The following DDX21 variants were observed in gnomAD, a reference collection of about 807,000 sequenced individuals.
DDX21 encodes the protein DExD-box helicase 21, also known as nucleolar RNA helicase 2.
DDX21 carries 18 observed loss-of-function variants against 90.0 expected under a neutral mutation model. The observed-to-expected ratio is 0.20, with a 90% CI of 0.14 to 0.30. The LOEUF (loss-of-function observed/expected upper bound fraction) is 0.30. Ranked by LOEUF, DDX21 falls within the 10% of genes least tolerant of loss-of-function variation. The pLI, the probability that DDX21 is intolerant of heterozygous loss-of-function variation, is 1.00. For missense variants in DDX21, 673 were observed against 944.5 expected (o/e 0.71, Z 3.77); for synonymous variants, 294 against 318.0 (o/e 0.92, Z 0.80).
At chr10:68,959,645 A>G (rs1842846914) in intron 1 of DDX21, among the ~76,000 whole-genome samples, 161 bp from the exon 2 acceptor site, 2 of 152,170 alleles carry the variant, frequency 1.3e-5, no homozygotes, top group Admixed American at 6.5e-5. Flanking sequence ...TACTATTTTG[A>G]TTTTTACCTT....
chr10:68,962,300 C>G (rs568512785), intron 3 of DDX21, 143 bp downstream of exon 3: 1 of 605,860 alleles, frequency 1.7e-6, no homozygotes, highest in Admixed American at 3.2e-5. Flanking sequence ...CCTGTGTATT[C>G]AATTTAGTAC....
intron 9 of DDX21, among the ~76,000 whole-genome samples, chr10:68,972,254 CAG>C (rs768602089): frequency 4.4e-4 from 67 of 152,190 alleles, no homozygotes; most frequent in East Asian, 9.6e-4. Flanking sequence ...AGTCAGCAGA[CAG>C]AGGTTCAAAA....
chr10:68,967,314 C>A, intron 6 of DDX21, 111 bp downstream of exon 6: 1 of 1,050,738 alleles, frequency 9.5e-7, no homozygotes, highest in Non-Finnish European at 1.4e-6. Context: ...ACTGGGATTA[C>A]AGGCACCCAC....
rs759360880 is a variant in DDX21 at position 68,978,990 on chromosome 10, C to T, written c.2037+14C>T. 18 of 1,613,846 alleles carry T rather than the reference C, an allele frequency of 1.1e-5. No individual in the cohort carries two copies. The highest frequency in any genetic ancestry group is 1.4e-5 in the Non-Finnish European group (17 of 1,179,868). ...AAAGGAAAGCTGGTAAGGCTGGGGT[C>T]TCTGTTGTAACCTTGATGGGGCTTT... On this transcript the variant is annotated intron_variant, in intron 13 of 14. Coordinates refer to ENST00000354185, the MANE Select transcript of DDX21 (RefSeq NM_004728.4).
At chr10:68,970,134 A>G (rs1336356025) in intron 7 of DDX21, 67 bp from the exon 8 acceptor site, 15 of 1,443,808 alleles carry the variant, frequency 1.0e-5, no homozygotes, top group Non-Finnish European at 4.8e-6. Flanking sequence ...CTCACTGATC[A>G]TTGTGTTGTG....
At chr10:68,956,339 AG>A (rs1589280502) in intron 1 of DDX21, 27 bp downstream of exon 1, 18 of 1,613,566 alleles carry the variant, frequency 1.1e-5, no homozygotes, top group Non-Finnish European at 1.4e-5. Context: ...TGGGGCCAGG[AG>A]GGACGCTGAA....
At chr10:68,968,952 CTT>C in intron 6 of DDX21, 22 bp from the exon 7 acceptor site, 1 of 1,600,560 alleles carries the variant, frequency 6.2e-7, no homozygotes, top group Non-Finnish European at 8.5e-7. Flanking sequence ...TTCATACTGA[CTT>C]TTTTTTTCCC....
intron 11 of DDX21, among the ~76,000 whole-genome samples, chr10:68,976,704 C>G (rs1269780683): frequency 6.6e-6 from 1 of 152,060 alleles, no homozygotes; most frequent in East Asian, 1.9e-4. Flanking sequence ...GGTTAGATGG[C>G]CAAGAAGGGG....
At chr10:68,977,488 A>G (rs1232321888) in intron 11 of DDX21, 41 bp from the exon 12 acceptor site, 3 of 1,523,072 alleles carry the variant, frequency 2.0e-6, no homozygotes, top group Non-Finnish European at 2.7e-6. Flanking sequence ...AAATGTGTCC[A>G]CTTCTAGTAT....
chr10:68,959,858 A>C lies in DDX21; in HGVS notation c.140A>C (p.Glu47Ala). ...KSDKTEEIAE[E>A]EETVFPKAKQ... ...GATAAGACTGAAGAGATAGCAGAAG[A>C]GGAAGAAACTGTTTTCCCCAAAGCT... is the stretch of plus-strand genomic sequence containing the variant. Residue 47 changes from glutamate to alanine, a missense_variant, in exon 2 of 15, where the codon GAG (glutamate) becomes GCG (alanine). Glu to Ala is a moderately radical substitution (Grantham distance 107, BLOSUM62 -1). This residue lies in a region of DDX21 where 204 missense variants were observed against 221.6 expected (regional missense o/e 0.92). Coordinates refer to ENST00000354185, the MANE Select transcript of DDX21 (RefSeq NM_004728.4). The C allele has an allele frequency of 6.3e-7, 1 of 1,581,048 alleles. No individual in the cohort carries two copies. The highest frequency in any genetic ancestry group is 8.5e-7 in the Non-Finnish European group (1 of 1,172,644).
Position 68,959,982 on chromosome 10 carries a change from T to C in DDX21, c.264T>C (p.Ile88=). ...KKKEEPSQND[I]SPKTKSLRKK... ...AAGAGGAGCCATCTCAAAATGACATTTCTCCTAAAACCAAAAGTTTGAGAA... is the reference window on the plus strand; with the variant it reads ...AAGAGGAGCCATCTCAAAATGACATCTCTCCTAAAACCAAAAGTTTGAGAA... The change falls in exon 2 of 15, where the codon ATT becomes ATC. Residue 88 remains isoleucine (I), a synonymous_variant. Transcript: ENST00000354185. 1 of 1,609,912 alleles carries C rather than the reference T, an allele frequency of 6.2e-7. No homozygotes were observed. The highest frequency in any genetic ancestry group is 8.5e-7 in the Non-Finnish European group (1 of 1,179,360).
chr10:68,972,867 T>A (rs1005307345), intron 9 of DDX21, among the ~76,000 whole-genome samples: 4 of 152,146 alleles, frequency 2.6e-5, no homozygotes, highest in African/African-American at 7.2e-5. Flanking sequence ...CTGGTTTGTA[T>A]AGATAGTATA....
At chr10:68,970,167 T>C in intron 7 of DDX21, 34 bp from the exon 8 acceptor site, 1 of 1,585,624 alleles carries the variant, frequency 6.3e-7, no homozygotes, top group African/African-American at 1.4e-5. Context: ...AGCAAAGCTT[T>C]ACTAAATAGA....
chr10:68,974,857 A>T (rs924635203), intron 11 of DDX21, 114 bp downstream of exon 11: 7 of 749,104 alleles, frequency 9.3e-6, no homozygotes, highest in Non-Finnish European at 1.3e-5. Context: ...TTTTTGAGAC[A>T]GGGTCTCACT....
intron 5 of DDX21, 52 bp downstream of exon 5, chr10:68,965,546 C>T (rs1481166979): frequency 2.3e-6 from 3 of 1,312,782 alleles, no homozygotes; most frequent in Non-Finnish European, 3.3e-6. Flanking sequence ...TTGTTGACTG[C>T]TCTGATTGGA....
At chr10:68,971,329 A>C (rs964864210) in intron 8 of DDX21, among the ~76,000 whole-genome samples, 1 of 152,066 alleles carries the variant, frequency 6.6e-6, no homozygotes, top group African/African-American at 2.4e-5. Context: ...AGATCATCCC[A>C]TAACCTAGGT....
chr10:68,956,882 A>G, intron 1 of DDX21: 1 of 514,922 alleles, frequency 1.9e-6, no homozygotes, highest in South Asian at 8.2e-5. Context: ...CTCGACTAAA[A>G]AATACAAAAA....
chr10:68,970,955 A>ATTTTTTTTT lies in DDX21; in HGVS notation c.1386+625_1386+633dup, dbSNP rs56314802. On this transcript the variant is annotated intron_variant, in intron 8 of 14. Coordinates refer to ENST00000354185, the MANE Select transcript of DDX21 (RefSeq NM_004728.4). ...GGCATGAGCCACTGCGCCCAGCCTAATTTTTTTTTTTTTTTTTTTTTTTTT... is the reference window on the plus strand; with the variant it reads ...GGCATGAGCCACTGCGCCCAGCCTAATTTTTTTTTTTTTTTTTTTTTTTTTTTTTTTTTT... 4.0e-4 allele frequency among the ~76,000 whole-genome samples: 29 copies of ATTTTTTTTT among 72,522 alleles called. 1 individual carries two copies. Among genetic ancestry groups the ATTTTTTTTT allele is most frequent in the Non-Finnish European group, 6.9e-4 (27 of 39,378 alleles). 47.6% of individuals were successfully genotyped at this position (72,522 alleles called of 152,430 possible). A position where few individuals can be genotyped will look rare whatever the true frequency, so the allele number is the denominator to read the frequency against.
intron 4 of DDX21, 51 bp downstream of exon 4, chr10:68,963,520 C>A: frequency 6.5e-7 from 1 of 1,538,094 alleles, no homozygotes; most frequent in Non-Finnish European, 8.8e-7. Flanking sequence ...AAAACCACCA[C>A]TTGGGCATTG....
Sources: gnomAD v4.1 joint callset for allele counts (sites outside exome capture counted in the v4.1 genomes callset) on GRCh38, gnomAD v4.1.1 for gene constraint, gnomAD v4.1.1 regional missense constraint, MANE v1.5 for transcripts, NCBI Gene and HGNC (gene_info 2026-07-23, HGNC 2026-07-21) for gene names.